LRBA: variants seen among roughly 807,000 people sequenced by gnomAD.
LRBA encodes lipopolysaccharide-responsive and beige-like anchor protein.
A neutral mutation model predicts 330.0 loss-of-function variants in LRBA; 176 were observed. The ratio of observed to expected loss-of-function variants is 0.53; its 90% CI spans 0.47 to 0.60. The LOEUF (loss-of-function observed/expected upper bound fraction) is 0.60, where lower values mean the gene tolerates loss of function less well. Among genes scored for constraint, LRBA ranks in the 20% least tolerant of loss-of-function variants. The probability of loss-of-function intolerance (pLI) is 0.00; values close to 1 mark genes in which losing one functional copy is unlikely to be tolerated. For missense variants in LRBA, 3,259 were observed against 3,444.8 expected, an observed-to-expected ratio of 0.95 and a Z score of 1.35; for synonymous variants, 1,230 against 1,193.0, an observed-to-expected ratio of 1.03 and a Z score of -0.64.
At chr4:150,798,171 GT>G in intron 33 of LRBA, 29 bp from the exon 34 acceptor site, 1 of 1,421,792 alleles carries the variant, frequency 7.0e-7, no homozygotes, top group Non-Finnish European at 9.9e-7. Flanking sequence ...TAAAAAAGAA[GT>G]TATAAAGAAA....
At chr4:150,927,015 G>T (rs1733948992) in intron 4 of LRBA, among the ~76,000 whole-genome samples, 1 of 151,212 alleles carries the variant, frequency 6.6e-6, no homozygotes, top group South Asian at 2.1e-4. Flanking sequence ...AGGTTGCAGT[G>T]AGCAGAGATC....
intron 36 of LRBA, among the ~76,000 whole-genome samples, chr4:150,726,265 T>C (rs1298495133): frequency 6.6e-6 from 1 of 152,250 alleles, no homozygotes; most frequent in Admixed American, 6.5e-5. Context: ...ACTTCACCTA[T>C]AAAGTTACAC....
At chr4:150,961,553 T>G (rs1579328526) in intron 2 of LRBA, among the ~76,000 whole-genome samples, 1 of 149,182 alleles carries the variant, frequency 6.7e-6, no homozygotes, top group Non-Finnish European at 1.5e-5. Context: ...TTTTTAAAAA[T>G]ACCAGTCTTA....
chr4:150,561,674 G>A (rs1369183831), intron 40 of LRBA, among the ~76,000 whole-genome samples: 2 of 152,162 alleles, frequency 1.3e-5, no homozygotes, highest in African/African-American at 4.8e-5. Context: ...CGCTCTAGAA[G>A]AGAATGCAGT....
chr4:150,913,045 GC>G (rs1291991688), intron 9 of LRBA, among the ~76,000 whole-genome samples: 1 of 151,808 alleles, frequency 6.6e-6, no homozygotes, highest in African/African-American at 2.4e-5. Flanking sequence ...TTTTTCTTTG[GC>G]AACTGGTTTC....
At chr4:150,355,260 T>A (rs967436431) in intron 47 of LRBA, among the ~76,000 whole-genome samples, 39 of 152,068 alleles carry the variant, frequency 2.6e-4, no homozygotes, top group African/African-American at 9.2e-4. Context: ...TTTTTGCCAA[T>A]GTAAAAATCA....
intron 37 of LRBA, among the ~76,000 whole-genome samples, chr4:150,669,950 C>T (rs550970479): frequency 6.6e-6 from 1 of 152,304 alleles, no homozygotes; most frequent in East Asian, 1.9e-4. Context: ...CAGTGCATCA[C>T]ATCAGGTGGT....
intron 47 of LRBA, among the ~76,000 whole-genome samples, chr4:150,358,083 C>T (rs1486895477): frequency 6.6e-6 from 1 of 152,080 alleles, no homozygotes; most frequent in East Asian, 1.9e-4. Flanking sequence ...ATGTAACTCT[C>T]AGAGGGACTG....
chr4:150,454,718 C>T (rs1581365889), intron 44 of LRBA, among the ~76,000 whole-genome samples: 1 of 151,870 alleles, frequency 6.6e-6, no homozygotes, highest in African/African-American at 2.4e-5. Flanking sequence ...GATCTTTCAT[C>T]CCTCGCCTTC....
At chr4:150,830,600 A>C (rs1005859307) in intron 29 of LRBA, among the ~76,000 whole-genome samples, 1 of 152,100 alleles carries the variant, frequency 6.6e-6, no homozygotes, top group Non-Finnish European at 1.5e-5. Context: ...ACCGTGCCCT[A>C]TCCAAATCTA....
At chr4:150,803,282 G>A (rs1380537724) in intron 33 of LRBA, among the ~76,000 whole-genome samples, 1 of 151,446 alleles carries the variant, frequency 6.6e-6, no homozygotes, top group Non-Finnish European at 1.5e-5. Flanking sequence ...AGTATTCAAG[G>A]GTTGAATGAC....
chr4:150,357,629 T>C (rs1230284944), intron 47 of LRBA, among the ~76,000 whole-genome samples: 1 of 150,996 alleles, frequency 6.6e-6, no homozygotes, highest in African/African-American at 2.4e-5. Context: ...AATTATAGTA[T>C]CACACACATA....
intron 48 of LRBA, among the ~76,000 whole-genome samples, chr4:150,342,258 G>A (rs1735686305): frequency 6.6e-6 from 1 of 151,824 alleles, no homozygotes; most frequent in South Asian, 2.1e-4. Context: ...AGAATAATCA[G>A]AAAATGACCA....
At chr4:150,574,714 T>G (rs1000520721) in intron 40 of LRBA, among the ~76,000 whole-genome samples, 2 of 152,074 alleles carry the variant, frequency 1.3e-5, no homozygotes, top group African/African-American at 4.8e-5. Flanking sequence ...AAAGCTTTGA[T>G]TAGCAGAAAA....
At chr4:150,883,179 G>T (rs187204508) in intron 17 of LRBA, among the ~76,000 whole-genome samples, 1 of 151,962 alleles carries the variant, frequency 6.6e-6, no homozygotes, top group Non-Finnish European at 1.5e-5. Context: ...TATGGTTCTA[G>T]GCCGGGAGTG....
chr4:150,780,824 G>A (rs1375114837), intron 34 of LRBA, among the ~76,000 whole-genome samples: 1 of 151,364 alleles, frequency 6.6e-6, no homozygotes, highest in African/African-American at 2.4e-5. Context: ...GTGAGGGGGG[G>A]GAATGGTTTC....
chr4:150,360,468 A>G (rs1399663449), intron 47 of LRBA, among the ~76,000 whole-genome samples: 1 of 152,206 alleles, frequency 6.6e-6, no homozygotes. Context: ...AATGGACAGC[A>G]CATGTTGATC....
chr4:150,695,859 G>T (rs1484995392), intron 36 of LRBA, among the ~76,000 whole-genome samples: 1 of 152,128 alleles, frequency 6.6e-6, no homozygotes, highest in Non-Finnish European at 1.5e-5. Context: ...AAAAACTAGG[G>T]TCTTTTAGTT....
chr4:150,702,032 AAGTT>A (rs1233213734), intron 36 of LRBA, among the ~76,000 whole-genome samples: 3 of 152,178 alleles, frequency 2.0e-5, no homozygotes, highest in Non-Finnish European at 2.9e-5. Flanking sequence ...ATAGGGGAAA[AAGTT>A]AGGAGAAAAT....
Sources: gnomAD v4.1 joint callset for allele counts (sites outside exome capture counted in the v4.1 genomes callset) on GRCh38, gnomAD v4.1.1 for gene constraint, MANE v1.5 for transcripts, NCBI Gene and HGNC (gene_info 2026-07-23, HGNC 2026-07-21) for gene names.